The following LRRC41 variants were observed in gnomAD, a reference collection of about 807,000 sequenced individuals.
LRRC41 encodes leucine rich repeat containing 41, also known as leucine-rich repeat-containing protein 41.
LRRC41 carries 17 observed loss-of-function variants against 72.1 expected under a neutral mutation model. That is an observed-to-expected ratio of 0.24 (90% CI 0.16 to 0.35). LRRC41 has a LOEUF of 0.35. Among genes scored for constraint, LRRC41 ranks in the 10% least tolerant of loss-of-function variants. The probability of loss-of-function intolerance (pLI) is 1.00; values close to 1 mark genes in which losing one functional copy is unlikely to be tolerated. For missense variants in LRRC41, 759 were observed against 1,065.0 expected, an observed-to-expected ratio of 0.71 and a Z score of 4.00; for synonymous variants, 427 against 431.0, an observed-to-expected ratio of 0.99 and a Z score of 0.11.
At chr1:46,283,998 T>C (rs1267894719) in intron 4 of LRRC41, among the ~76,000 whole-genome samples, 1 of 152,142 alleles carries the variant, frequency 6.6e-6, no homozygotes, top group East Asian at 1.9e-4. Flanking sequence ...AAAAAAAATT[T>C]AATGAACAGC....
At chr1:46,297,818 A>G (rs1388569426) in intron 2 of LRRC41, among the ~76,000 whole-genome samples, 185 bp from the exon 3 acceptor site, 1 of 152,214 alleles carries the variant, frequency 6.6e-6, no homozygotes, top group Non-Finnish European at 1.5e-5. Flanking sequence ...GACTTTGCGC[A>G]AGTTACTTAA....
intron 5 of LRRC41, 115 bp from the exon 6 acceptor site, chr1:46,280,675 CGTT>C: frequency 9.9e-7 from 1 of 1,010,956 alleles, no homozygotes; most frequent in Non-Finnish European, 1.5e-6. Flanking sequence ...ATTCACTTGT[CGTT>C]GAGTGCCTAC....
At chr1:46,294,590 TTC>T (rs1439109840) in intron 3 of LRRC41, among the ~76,000 whole-genome samples, 10 of 139,300 alleles carry the variant, frequency 7.2e-5, no homozygotes, top group African/African-American at 2.4e-4. Context: ...TTACAACTAA[TTC>T]TTTTTTTTTT....
At chr1:46,289,605 C>CA (rs1488459967) in intron 3 of LRRC41, among the ~76,000 whole-genome samples, 1 of 151,946 alleles carries the variant, frequency 6.6e-6, no homozygotes, top group African/African-American at 2.4e-5. Flanking sequence ...TACTAAAATA[C>CA]AAAAAATTCG....
At position 46,303,205 on chromosome 1, in the gene LRRC41, G is replaced by A; in HGVS notation, c.118C>T (p.Pro40Ser). 6.4e-7 allele frequency: 1 copy of A among 1,568,428 alleles called. No homozygotes were observed. The highest frequency in any genetic ancestry group is 1.2e-5 in the South Asian group (1 of 85,878). The stretch of plus-strand genomic sequence containing the variant: ...TCGAACAGGGCGGGGGGAGCGTTGG[G>A]GCCCGAGGCCGAGCTCTTCGCTGGC... ...AAPAKSSASG[P>S]NAPPALFELC... is the part of the protein sequence containing the mutation. Residue 40 changes from proline (P) to serine (S), a missense_variant, in exon 1 of 10, where the codon CCC (proline) becomes TCC (serine). Physicochemically the swap from Pro to Ser is moderately conservative, Grantham distance 74. Coordinates refer to ENST00000617190, the MANE Select transcript of LRRC41 (RefSeq NM_006369.5).
In LRRC41 at chr1:46,302,507, A is replaced by G; in HGVS notation, c.199+617T>C. 1 of 984,896 alleles carries G rather than the reference A, an allele frequency of 1.0e-6. No individual in the cohort carries two copies. Among genetic ancestry groups the G allele is most frequent in the Non-Finnish European group, 1.2e-6 (1 of 829,760 alleles). 61.0% of individuals were successfully genotyped at this position (984,896 alleles called of 1,614,324 possible). On this transcript the variant is annotated intron_variant, in intron 1 of 9. Coordinates refer to ENST00000617190, the MANE Select transcript of LRRC41 (RefSeq NM_006369.5). This position sits in a 1 kb window ranked among gnomAD's most constrained non-coding sequence, Gnocchi z 4.7. ...TCGCTCCCGTCAGCCCTGGGCCGTC[A>G]GACAGGCCGCGGCGCCCCGACCCTT...
chr1:46,293,596 G>C (rs1048319538), intron 3 of LRRC41, among the ~76,000 whole-genome samples: 22 of 152,094 alleles, frequency 1.4e-4, no homozygotes, highest in African/African-American at 5.1e-4. Context: ...TTTGGAGACA[G>C]AGTCTCACTC....
At position 46,277,725 on chromosome 1, in the gene LRRC41, CTGTAGTTTCAACCCTT is replaced by C; in HGVS notation, c.*1124_*1139del. On this transcript the variant is annotated 3_prime_UTR_variant, in exon 10 of 10. Coordinates refer to ENST00000617190, the MANE Select transcript of LRRC41 (RefSeq NM_006369.5). The stretch of plus-strand genomic sequence containing the variant: ...TTATTCATCTCCTCTTCTCGGGTAG[CTGTAGTTTCAACCCTT>C]TGGTTTTCCTGCTCCCTTTTTATGA... 2.1e-6 allele frequency: 3 copies of C among 1,395,896 alleles called. No homozygotes were observed. Among genetic ancestry groups the C allele is most frequent in the Non-Finnish European group, 3.0e-6 (3 of 992,358 alleles). The allele number at this position is 1,395,896 out of a possible 1,614,324, so 86.5% of individuals were successfully genotyped here.
In LRRC41 at chr1:46,286,601, T is replaced by A; in HGVS notation, c.358-102A>T. Reference sequence around the variant, plus strand: ...CACTATTTACTGAGTCAGGCAACACTACAAATTCATTTAATCTTCACATCT... The same window carrying A: ...CACTATTTACTGAGTCAGGCAACACAACAAATTCATTTAATCTTCACATCT... On this transcript the variant is annotated intron_variant, in intron 3 of 9. Transcript: ENST00000617190. This position sits in a 1 kb window ranked among gnomAD's most constrained non-coding sequence, Gnocchi z 5.5. 1 of 1,072,718 alleles carries A rather than the reference T, an allele frequency of 9.3e-7. No homozygotes were observed. Among genetic ancestry groups the A allele is most frequent in the Non-Finnish European group, 1.3e-6 (1 of 749,476 alleles). The allele number at this position is 1,072,718 out of a possible 1,614,324, so 66.4% of individuals were successfully genotyped here. A position where few individuals can be genotyped will look rare whatever the true frequency, so the allele number is the denominator to read the frequency against.
intron 1 of LRRC41, chr1:46,301,994 A>C: frequency 1.0e-6 from 1 of 983,972 alleles, no homozygotes; most frequent in Non-Finnish European, 1.2e-6. Flanking sequence ...CCCCTCTTTC[A>C]CTTGCCCCAC....
chr1:46,281,440 T>C, intron 4 of LRRC41, 55 bp from the exon 5 acceptor site: 1 of 1,542,164 alleles, frequency 6.5e-7, no homozygotes, highest in South Asian at 1.1e-5. Context: ...GCAGGGGTAA[T>C]ATATTCAAAT....
chr1:46,280,060 C>T (rs1286155707), intron 7 of LRRC41, 132 bp downstream of exon 7: 2 of 682,754 alleles, frequency 2.9e-6, no homozygotes, highest in East Asian at 5.4e-5. Context: ...GAAGGAAAAT[C>T]ATGCAGGTTC....
rs754271376 is a variant in LRRC41 at position 46,279,164 on chromosome 1, G to A, written c.2219+18C>T. ...TCTCTGTAGCCCCATCCCTTGTCTT[G>A]CCCCTCCCCTCATGTACCTGATGTC... On this transcript the variant is annotated intron_variant, in intron 9 of 9. Transcript: ENST00000617190. This position sits in a 1 kb window ranked among gnomAD's most constrained non-coding sequence, Gnocchi z 4.5. The A allele has an allele frequency of 1.9e-5, 31 of 1,613,592 alleles. No homozygotes were observed. Among genetic ancestry groups the A allele is most frequent in the Non-Finnish European group, 2.4e-5 (28 of 1,179,664 alleles).
chr1:46,283,803 T>C (rs975918081), intron 4 of LRRC41, among the ~76,000 whole-genome samples: 1 of 151,758 alleles, frequency 6.6e-6, no homozygotes, highest in African/African-American at 2.4e-5. Flanking sequence ...GTAGCTGGGA[T>C]TACAGGCGCC....
chr1:46,287,176 T>C (rs962744016), intron 3 of LRRC41, among the ~76,000 whole-genome samples: 1 of 151,822 alleles, frequency 6.6e-6, no homozygotes, highest in African/African-American at 2.4e-5. Flanking sequence ...TGGCGTGATC[T>C]CGGCACACTG....
chr1:46,293,848 C>T (rs2148323057), intron 3 of LRRC41, among the ~76,000 whole-genome samples: 1 of 152,240 alleles, frequency 6.6e-6, no homozygotes, highest in Middle Eastern at 3.4e-3. Context: ...ATTTTAACCT[C>T]TGCCTCCTGG....
At position 46,302,172 on chromosome 1, in the gene LRRC41, G is replaced by C. The variant is rs1301644052; in HGVS notation, c.199+952C>G. 2.0e-6 allele frequency: 2 copies of C among 985,170 alleles called. No individual in the cohort carries two copies. Among genetic ancestry groups the C allele is most frequent in the African/African-American group, 3.5e-5 (2 of 57,214 alleles). The allele number at this position is 985,170 out of a possible 1,614,324, so 61.0% of individuals were successfully genotyped here. A position where few individuals can be genotyped will look rare whatever the true frequency, so the allele number is the denominator to read the frequency against. On this transcript the variant is annotated intron_variant, in intron 1 of 9. Transcript: ENST00000617190. The surrounding 1 kb of genome is among the most constrained non-coding windows in gnomAD (Gnocchi z 4.7). ...GCCCTTTGGTCCCGGCCGCCTTCAG[G>C]CCTGGGGCCCCCGTTCACTCCCATT...
intron 3 of LRRC41, among the ~76,000 whole-genome samples, chr1:46,294,676 C>G (rs956925984): frequency 2.1e-5 from 3 of 143,746 alleles, no homozygotes; most frequent in Admixed American, 7.5e-5. Context: ...CTCACTGCAA[C>G]CTCTGCCTCC....
Position 46,303,483 on chromosome 1 carries a change from AT to A in LRRC41, c.-162del. ...CTTTCCAAGTCTCTTAGGAGCTACT[AT>A]TTTAGATAAACTCCTAGATCAATTA... On this transcript the variant is annotated 5_prime_UTR_variant, in exon 1 of 10. An upstream open reading frame in the 5' UTR loses its in-frame stop. Transcript: ENST00000617190. 1 of 776,902 alleles carries A rather than the reference AT, an allele frequency of 1.3e-6. No individual in the cohort carries two copies. Among genetic ancestry groups the A allele is most frequent in the Non-Finnish European group, 2.0e-6 (1 of 500,828 alleles). The allele number at this position is 776,902 out of a possible 1,614,324, so 48.1% of individuals were successfully genotyped here.
Sources: gnomAD v4.1 joint callset for allele counts (sites outside exome capture counted in the v4.1 genomes callset) on GRCh38, gnomAD v4.1.1 for gene constraint, Gnocchi (gnomAD v3.1) non-coding constraint, MANE v1.5 for transcripts, NCBI Gene and HGNC (gene_info 2026-07-23, HGNC 2026-07-21) for gene names.